The following CACFD1 variants were observed in gnomAD, a reference collection of about 807,000 sequenced individuals.
CACFD1 encodes calcium channel flower homolog.
CACFD1 carries 26 observed loss-of-function variants against 21.3 expected under a neutral mutation model. That is an observed-to-expected ratio of 1.22 (90% CI 0.89 to 1.69). The LOEUF is 1.69. CACFD1 is among the 40% of genes most tolerant of loss of function. CACFD1 has a pLI of 0.00. For synonymous variants in CACFD1, 121 were observed against 106.6 expected (o/e 1.13, Z -0.83); for missense variants, 265 against 236.2 (o/e 1.12, Z -0.80).
Position 133,465,325 on chromosome 9 carries a change from G to T in CACFD1, c.198G>T (p.Met66Ile), listed in dbSNP as rs1554799315. 2 of 1,614,010 alleles carry T rather than the reference G, an allele frequency of 1.2e-6. No individual in the cohort carries two copies. Among genetic ancestry groups the T allele is most frequent in the Non-Finnish European group, 1.7e-6 (2 of 1,180,002 alleles). ...TCTCCTGCCCTGGTCCCTGCAGCAT[G>T]AATGCCTTCATCTTGTTGCTGTGTG... ...LNIAAGVWMI[M>I]NAFILLLCEA... Residue 66 changes from methionine (M) to isoleucine (I), a missense_variant, in exon 3 of 5, where the codon ATG (methionine) becomes ATT (isoleucine). Transcript: ENST00000316948. The surrounding 1 kb of genome is among the most constrained non-coding windows in gnomAD (Gnocchi z 5.0).
intron 4 of CACFD1, 187 bp from the exon 5 acceptor site, chr9:133,468,376 T>G (rs1564458631): frequency 3.3e-6 from 5 of 1,535,862 alleles, no homozygotes; most frequent in Non-Finnish European, 4.4e-6. Flanking sequence ...CAGCCCAGCA[T>G]CCCAGGGAGC....
intron 1 of CACFD1, chr9:133,461,952 C>A (rs1843235351): frequency 1.0e-6 from 1 of 985,238 alleles, no homozygotes; most frequent in African/African-American, 1.7e-5. Flanking sequence ...GAGGGTCTAC[C>A]CTGGGTCCTA....
chr9:133,468,233 C>T (rs1177489103), intron 4 of CACFD1: 2 of 1,361,094 alleles, frequency 1.5e-6, no homozygotes, highest in Non-Finnish European at 2.0e-6. Flanking sequence ...CAGTCTTGCC[C>T]CGTCACGGCC....
Position 133,468,404 on chromosome 9 carries a change from G to C in CACFD1, c.429-159G>C, listed in dbSNP as rs587695569. ...CAGGGAGCCTGGGCCATTCTCAGAG[G>C]GGACAAGACAGGCCTTTGCCACCCC... On this transcript the variant is annotated intron_variant, in intron 4 of 4. Transcript: ENST00000316948. 2.1e-5 allele frequency: 32 copies of C among 1,536,008 alleles called. No homozygotes were observed. The African/African-American group carries it at 4.0e-4, about 19-fold the overall frequency.
chr9:133,468,157 A>T, intron 4 of CACFD1, 129 bp downstream of exon 4: 2 of 1,022,324 alleles, frequency 2.0e-6, no homozygotes, highest in Non-Finnish European at 2.8e-6. Context: ...CCAGTAACTC[A>T]TTGGTGCCTC....
rs782144328 is a variant in CACFD1 at position 133,468,644 on chromosome 9, G to C, written c.510G>C (p.Gly170=). 1 of 1,577,092 alleles carries C rather than the reference G, an allele frequency of 6.3e-7. No homozygotes were observed. The highest frequency in any genetic ancestry group is 1.9e-5 in the Admixed American group (1 of 53,648). Residue 170 remains glycine, a synonymous_variant, in exon 5 of 5, where the codon GGG becomes GGC. Transcript: ENST00000316948. ...DEEKLAETLE[G]EL ...AGAAGCTCGCGGAGACCCTGGAGGGGGAGCTGTGAAGGGCTGGGCGCCCCT... is the reference window on the plus strand; with the variant it reads ...AGAAGCTCGCGGAGACCCTGGAGGGCGAGCTGTGAAGGGCTGGGCGCCCCT...
intron 1 of CACFD1, chr9:133,462,186 C>G (rs1554798676): frequency 7.7e-7 from 1 of 1,304,100 alleles, no homozygotes; most frequent in Admixed American, 2.3e-5. Flanking sequence ...AGGCCAAATG[C>G]TGACTGCAGC....
chr9:133,463,505 C>A lies in CACFD1; in HGVS notation c.144C>A (p.Phe48Leu). Reference sequence around the variant, plus strand: ...AAGCTTGCGCGATCTCTGGCCTCTTCAACTGCATCACCATCCACCCTCTGA... The same window carrying A: ...AAGCTTGCGCGATCTCTGGCCTCTTAAACTGCATCACCATCCACCCTCTGA... ...GAVSCAISGLFNCITIHPLNI... is the reference protein window; with the variant it reads ...GAVSCAISGLLNCITIHPLNI... The change falls in exon 2 of 5, where the codon TTC becomes TTA. Residue 48 changes from phenylalanine to leucine, a missense_variant. Phe to Leu is a conservative substitution (Grantham distance 22). Coordinates refer to ENST00000316948, the MANE Select transcript of CACFD1 (RefSeq NM_017586.5). 6.2e-7 allele frequency: 1 copy of A among 1,614,154 alleles called. No individual in the cohort carries two copies. The highest frequency in any genetic ancestry group is 8.5e-7 in the Non-Finnish European group (1 of 1,180,016).
At position 133,470,055 on chromosome 9, in the gene CACFD1, G is replaced by C. The variant is rs895459583; in HGVS notation, c.*1402G>C. The C allele has an allele frequency of 3.3e-5, 5 of 152,758 alleles. No homozygotes were observed. The highest frequency in any genetic ancestry group is 3.3e-4 in the Admixed American group (5 of 15,296). 9.5% of individuals were successfully genotyped at this position (152,758 alleles called of 1,614,324 possible). ...GCCCTGGGGACTTGGTGGGCTCCTG[G>C]GTCAGCAGCATCCCACCCCTGGGAG... On this transcript the variant is annotated 3_prime_UTR_variant, in exon 5 of 5. Coordinates refer to ENST00000316948, the MANE Select transcript of CACFD1 (RefSeq NM_017586.5).
chr9:133,460,075 C>T lies in CACFD1; in HGVS notation c.9C>T (p.Ser3=), dbSNP rs1554797886. The change falls in exon 1 of 5, where the codon AGC becomes AGT. Residue 3 remains serine, a synonymous_variant. Transcript: ENST00000316948. ...CGCCTGACGGTGGCACCATGAGCAGCTCAGGTGGGGCGCCCGGGGCGTCCG... is the reference window on the plus strand; with the variant it reads ...CGCCTGACGGTGGCACCATGAGCAGTTCAGGTGGGGCGCCCGGGGCGTCCG... MS[S]SGGAPGASAS... is the part of the protein sequence containing the mutation. The T allele has an allele frequency of 6.4e-7, 1 of 1,563,508 alleles. No individual in the cohort carries two copies. The highest frequency in any genetic ancestry group is 2.4e-5 in the East Asian group (1 of 41,472).
rs889917257 is a variant in CACFD1, at chr9:133,468,760, C to T, written c.*107C>T. The T allele has an allele frequency of 3.4e-5, 49 of 1,441,884 alleles. No homozygotes were observed. The highest frequency in any genetic ancestry group is 1.3e-4 in the Admixed American group (5 of 38,816). 89.3% of individuals were successfully genotyped at this position (1,441,884 alleles called of 1,614,324 possible). ...CACAGCCTGGAGAGGGGCCTTTGCACGTGTCCCTACACCTGGAGTCCTCTG... is the reference window on the plus strand; with the variant it reads ...CACAGCCTGGAGAGGGGCCTTTGCATGTGTCCCTACACCTGGAGTCCTCTG... On this transcript the variant is annotated 3_prime_UTR_variant, in exon 5 of 5. Transcript: ENST00000316948.
At chr9:133,462,183 A>G in intron 1 of CACFD1, 1 of 1,304,224 alleles carries the variant, frequency 7.7e-7, no homozygotes, top group Non-Finnish European at 1.0e-6. Flanking sequence ...TGGAGGCCAA[A>G]TGCTGACTGC....
rs782449280 is a variant in CACFD1 at position 133,463,490 on chromosome 9, G to C, written c.129G>C (p.Ala43=). ...LSGVLGAVSC[A]ISGLFNCITI... ...CGTGTCTCTTGTTTCAAGCTTGCGC[G>C]ATCTCTGGCCTCTTCAACTGCATCA... is the stretch of plus-strand genomic sequence containing the variant. Residue 43 remains alanine, a synonymous_variant, in exon 2 of 5, where the codon GCG becomes GCC. Coordinates refer to ENST00000316948, the MANE Select transcript of CACFD1 (RefSeq NM_017586.5). 3.7e-6 allele frequency: 6 copies of C among 1,614,070 alleles called. No individual in the cohort carries two copies. The highest frequency in any genetic ancestry group is 3.4e-6 in the Non-Finnish European group (4 of 1,180,008).
Position 133,468,817 on chromosome 9 carries a change from C to T in CACFD1, c.*164C>T. The T allele has an allele frequency of 8.0e-7, 1 of 1,250,362 alleles. No homozygotes were observed. Among genetic ancestry groups the T allele is most frequent in the Non-Finnish European group, 1.1e-6 (1 of 934,274 alleles). The allele number at this position is 1,250,362 out of a possible 1,614,324, so 77.5% of individuals were successfully genotyped here. On this transcript the variant is annotated 3_prime_UTR_variant, in exon 5 of 5. Coordinates refer to ENST00000316948, the MANE Select transcript of CACFD1 (RefSeq NM_017586.5). ...TCTCCAGACTGGCTTAAGCCAGGAG[C>T]CACTGGCTGCTGGTGTGAGGGTCTG...
intron 4 of CACFD1, 147 bp from the exon 5 acceptor site, chr9:133,468,416 G>A: frequency 6.5e-7 from 1 of 1,536,072 alleles, no homozygotes; most frequent in Non-Finnish European, 8.7e-7. Flanking sequence ...GACAAGACAG[G>A]CCTTTGCCAC....
At position 133,465,499 on chromosome 9, in the gene CACFD1, G is replaced by A; in HGVS notation, c.320+52G>A. 1 of 1,547,624 alleles carries A rather than the reference G, an allele frequency of 6.5e-7. No individual in the cohort carries two copies. The highest frequency in any genetic ancestry group is 1.2e-5 in the South Asian group (1 of 81,678). Reference sequence around the variant, plus strand: ...TGACACAGTTCCCCAAAACCCCACTGACAAAATAGGACCCAAAAGTCAGGT... The same window carrying A: ...TGACACAGTTCCCCAAAACCCCACTAACAAAATAGGACCCAAAAGTCAGGT... On this transcript the variant is annotated intron_variant, in intron 3 of 4. Transcript: ENST00000316948. The surrounding 1 kb of genome is among the most constrained non-coding windows in gnomAD (Gnocchi z 5.0).
At chr9:133,461,609 G>T (rs187920465) in intron 1 of CACFD1, among the ~76,000 whole-genome samples, 2 of 152,334 alleles carry the variant, frequency 1.3e-5, no homozygotes, top group East Asian at 3.9e-4. Flanking sequence ...CAGTGGCCCT[G>T]CCGACTCCCA....
rs1843415529 is a variant in CACFD1 at position 133,465,852 on chromosome 9, G to A, written c.320+405G>A. On this transcript the variant is annotated intron_variant, in intron 3 of 4. Coordinates refer to ENST00000316948, the MANE Select transcript of CACFD1 (RefSeq NM_017586.5). The surrounding 1 kb of genome is among the most constrained non-coding windows in gnomAD (Gnocchi z 5.0). Reference sequence around the variant, plus strand: ...ATCTAGATGTCCTGACGTGAAGGGGGAGAAGCAGGTTGCAGAGCAGAAAAT... The same window carrying A: ...ATCTAGATGTCCTGACGTGAAGGGGAAGAAGCAGGTTGCAGAGCAGAAAAT... 1 of 164,798 alleles carries A rather than the reference G, an allele frequency of 6.1e-6. No homozygotes were observed. Among genetic ancestry groups the A allele is most frequent in the African/African-American group, 2.4e-5 (1 of 41,744 alleles). 10.2% of individuals were successfully genotyped at this position (164,798 alleles called of 1,614,324 possible).
rs973941952 is a variant in CACFD1 at position 133,460,465 on chromosome 9, G to GGGGGGCGGC, written c.121+287_121+295dup. On this transcript the variant is annotated intron_variant, in intron 1 of 4. Transcript: ENST00000316948. ...CGGAGGGACCAGAAACCCCAGGGCGGGGGGGCGGCGGGGGCGGGGGTGGGG... is the reference window on the plus strand; with the variant it reads ...CGGAGGGACCAGAAACCCCAGGGCGGGGGGGCGGCGGGGGCGGCGGGGGCGGGGGTGGGG... 6.1e-3 allele frequency among the ~76,000 whole-genome samples: 790 copies of GGGGGGCGGC among 130,518 alleles called. 18 individuals carry two copies. Among genetic ancestry groups the GGGGGGCGGC allele is most frequent in the African/African-American group, 0.02 (712 of 36,456 alleles). 85.6% of individuals were successfully genotyped at this position (130,518 alleles called of 152,430 possible). A position where few individuals can be genotyped will look rare whatever the true frequency, so the allele number is the denominator to read the frequency against.
Sources: gnomAD v4.1 joint callset for allele counts (sites outside exome capture counted in the v4.1 genomes callset) on GRCh38, gnomAD v4.1.1 for gene constraint, Gnocchi (gnomAD v3.1) non-coding constraint, MANE v1.5 for transcripts, NCBI Gene and HGNC (gene_info 2026-07-23, HGNC 2026-07-21) for gene names.